Variants in CALU observed in about 807,000 individuals in gnomAD.
CALU encodes calumenin.
In CALU, 13 loss-of-function variants were observed where a neutral mutation model predicts 37.5. The observed-to-expected ratio is 0.35, with a 90% CI of 0.23 to 0.55. The LOEUF (loss-of-function observed/expected upper bound fraction) is 0.55, where lower values mean the gene tolerates loss of function less well. Among genes scored for constraint, CALU ranks in the 20% least tolerant of loss-of-function variants. The probability of loss-of-function intolerance (pLI) is 0.89; values close to 1 mark genes in which losing one functional copy is unlikely to be tolerated. For missense variants in CALU, 282 were observed against 391.7 expected, an observed-to-expected ratio of 0.72 and a Z score of 2.36; for synonymous variants, 114 against 133.8, an observed-to-expected ratio of 0.85 and a Z score of 1.02.
intron 3 of CALU, among the ~76,000 whole-genome samples, chr7:128,758,665 A>G (rs1040808064): frequency 6.6e-6 from 1 of 152,218 alleles, no homozygotes; most frequent in Non-Finnish European, 1.5e-5. Context: ...CCAGAGTTCC[A>G]TGTGAACTTG....
At chr7:128,767,432 T>TTGTA in intron 5 of CALU, 24 bp from the exon 6 acceptor site, 1 of 1,572,780 alleles carries the variant, frequency 6.4e-7, no homozygotes, top group Non-Finnish European at 8.8e-7. Flanking sequence ...AACCCTTCTT[T>TTGTA]TGTATGTATG....
At chr7:128,754,688 T>G in intron 3 of CALU, 1 of 1,552,122 alleles carries the variant, frequency 6.4e-7, no homozygotes, top group Non-Finnish European at 8.7e-7. Flanking sequence ...TCTCCTGGGA[T>G]GAGTACAGAA....
intron 5 of CALU, among the ~76,000 whole-genome samples, chr7:128,763,248 C>T (rs755400334): frequency 2.6e-5 from 4 of 152,036 alleles, no homozygotes; most frequent in African/African-American, 7.2e-5. Flanking sequence ...AATAGAAATT[C>T]GGCCGAGCAT....
intron 5 of CALU, chr7:128,761,264 A>G (rs1347023708): frequency 6.6e-6 from 1 of 150,950 alleles, no homozygotes; most frequent in Non-Finnish European, 1.5e-5. Context: ...AAAAAAAAAA[A>G]GCTGTCTTTC....
chr7:128,769,070 A>G lies in CALU; in HGVS notation c.851A>G (p.Lys284Arg), dbSNP rs769986360. ...TGCTATCTCTACTTTCAGGATGGCAAGCTTACCAAGGAGGAGATCGTTGAC... is the reference window on the plus strand; with the variant it reads ...TGCTATCTCTACTTTCAGGATGGCAGGCTTACCAAGGAGGAGATCGTTGAC... ...VYESDQNKDG[K>R]LTKEEIVDKY... is the part of the protein sequence containing the mutation. Residue 284 changes from lysine to arginine, a missense_variant, in exon 7 of 7, where the codon AAG becomes AGG. Physicochemically the swap from Lys to Arg is conservative, Grantham distance 26 (BLOSUM62 2). Transcript: ENST00000249364. 1.9e-6 allele frequency: 3 copies of G among 1,604,240 alleles called. No homozygotes were observed. The highest frequency in any genetic ancestry group is 2.6e-6 in the Non-Finnish European group (3 of 1,171,792).
chr7:128,751,579 C>A (rs1585006149), intron 2 of CALU, among the ~76,000 whole-genome samples: 1 of 151,110 alleles, frequency 6.6e-6, no homozygotes, highest in East Asian at 2.0e-4. Context: ...ATTAAAAAAT[C>A]AGCTAGGCAT....
At chr7:128,760,021 C>A (rs909628704) in intron 5 of CALU, among the ~76,000 whole-genome samples, 169 bp downstream of exon 5, 9 of 152,154 alleles carry the variant, frequency 5.9e-5, no homozygotes, top group African/African-American at 2.2e-4. Flanking sequence ...CATGGGGAAA[C>A]CCCGTCTCTA....
At chr7:128,748,229 C>G (rs1260582976) in intron 1 of CALU, 1 of 640,726 alleles carries the variant, frequency 1.6e-6, no homozygotes, top group Admixed American at 3.2e-5. Context: ...ACATTTAAAC[C>G]TTGGTTCTTT....
rs1480136187 is a variant in CALU, at chr7:128,758,928, G to T, written c.473G>T (p.Arg158Leu). 1 of 1,613,692 alleles carries T rather than the reference G, an allele frequency of 6.2e-7. No individual in the cohort carries two copies. ...AAACAGATGATGGTTAGAGATGAGC[G>T]GAGGTTTAAAATGGCAGACAAGGAT... ...NYKQMMVRDE[R>L]RFKMADKDGD... The change falls in exon 4 of 7, where the codon CGG becomes CTG. Residue 158 changes from arginine (R) to leucine (L), a missense_variant. Physicochemically the swap from Arg to Leu is moderately radical, Grantham distance 102 (BLOSUM62 -2). Transcript: ENST00000249364.
At chr7:128,765,083 T>TG (rs1801278954) in intron 5 of CALU, among the ~76,000 whole-genome samples, 2 of 152,130 alleles carry the variant, frequency 1.3e-5, no homozygotes, top group Non-Finnish European at 1.5e-5. Context: ...CTGATTTTTT[T>TG]TATTATTATT....
In CALU at chr7:128,754,359, G is replaced by T; in HGVS notation, c.319G>T (p.Glu107Ter). ...ATTTGCACAAAAGCGCTGGATTTAC[G>T]AGGATGTAGAGCGACAGTGGAAGGG... ...IKFAQKRWIYEDVERQWKGHD... is the reference protein window; with the variant it reads ...IKFAQKRWIY The change falls in exon 3 of 7, where the codon GAG (glutamate) becomes TAG (stop). Residue 107 changes from glutamate (E) to a stop codon, truncating the protein, a stop_gained. Transcript: ENST00000249364. LOFTEE classifies it high-confidence loss of function. 6.2e-7 allele frequency: 1 copy of T among 1,614,166 alleles called. No individual in the cohort carries two copies.
chr7:128,756,322 T>TTGG (rs1489318621), intron 3 of CALU, among the ~76,000 whole-genome samples: 1 of 152,214 alleles, frequency 6.6e-6, no homozygotes, highest in Non-Finnish European at 1.5e-5. Flanking sequence ...TAAAAATCTG[T>TTGG]TGAGAGCTCT....
At chr7:128,741,588 G>C (rs974409806) in intron 1 of CALU, among the ~76,000 whole-genome samples, 3 of 152,140 alleles carry the variant, frequency 2.0e-5, no homozygotes, top group African/African-American at 7.2e-5. Context: ...AAAGATAACA[G>C]ATCACTTCCA....
In CALU at chr7:128,769,076, C is replaced by A. The variant is rs749755803; in HGVS notation, c.857C>A (p.Thr286Asn). The A allele has an allele frequency of 1.9e-6, 3 of 1,608,816 alleles. No homozygotes were observed. The highest frequency in any genetic ancestry group is 2.6e-6 in the Non-Finnish European group (3 of 1,175,570). Residue 286 changes from threonine (T) to asparagine (N), a missense_variant, in exon 7 of 7, where the codon ACC (threonine) becomes AAC (asparagine). Thr to Asn is a moderately conservative substitution (Grantham distance 65, BLOSUM62 0). Coordinates refer to ENST00000249364, the MANE Select transcript of CALU (RefSeq NM_001219.5). ...ESDQNKDGKL[T>N]KEEIVDKYDL... is the part of the protein sequence containing the mutation. ...CTCTACTTTCAGGATGGCAAGCTTA[C>A]CAAGGAGGAGATCGTTGACAAGTAT...
chr7:128,770,581 A>G lies in CALU; in HGVS notation c.*1414A>G, dbSNP rs1019636104. ...TCTTTCCCTCTCCCCGCTGCCAAAA[A>G]AAAAAAAAAAGGAAACGTTTATCAT... On this transcript the variant is annotated 3_prime_UTR_variant, in exon 7 of 7. Coordinates refer to ENST00000249364, the MANE Select transcript of CALU (RefSeq NM_001219.5). The G allele has an allele frequency of 6.6e-6, 1 of 152,088 alleles. No homozygotes were observed. The highest frequency in any genetic ancestry group is 2.4e-5 in the African/African-American group (1 of 41,382). The allele number at this position is 152,088 out of a possible 1,614,324, so 9.4% of individuals were successfully genotyped here. A position where few individuals can be genotyped will look rare whatever the true frequency, so the allele number is the denominator to read the frequency against.
rs1367548312 is a variant in CALU, at chr7:128,754,262, A to G, written c.222A>G (p.Gly74=). 1 of 1,603,672 alleles carries G rather than the reference A, an allele frequency of 6.2e-7. No homozygotes were observed. Among genetic ancestry groups the G allele is most frequent in the Admixed American group, 1.7e-5 (1 of 57,974 alleles). Residue 74 remains glycine (G), a splice_region_variant and synonymous_variant, in exon 3 of 7, where the codon GGA becomes GGG. Transcript: ENST00000249364. ...LTPEESKERL[G]KIVSKIDGDK... ...CTGGATTTCTCTGCATTTTCTACAG[A>G]AAGATTGTAAGTAAAATAGATGGCG...
intron 5 of CALU, 138 bp from the exon 6 acceptor site, chr7:128,767,318 T>C: frequency 1.5e-6 from 1 of 681,562 alleles, no homozygotes; most frequent in Non-Finnish European, 2.7e-6. Context: ...TTCTAAGGTC[T>C]GTCTGGCCTA....
At chr7:128,764,374 C>T (rs1459278603) in intron 5 of CALU, among the ~76,000 whole-genome samples, 1 of 151,964 alleles carries the variant, frequency 6.6e-6, no homozygotes, top group Non-Finnish European at 1.5e-5. Context: ...TGCAGTGCAC[C>T]GTTATTGTAC....
chr7:128,741,674 G>C (rs369647822), intron 1 of CALU, among the ~76,000 whole-genome samples: 1 of 152,152 alleles, frequency 6.6e-6, no homozygotes, highest in Non-Finnish European at 1.5e-5. Flanking sequence ...AAGGAAGTTT[G>C]AGCTAAAATA....
Sources: allele counts gnomAD v4.1 joint callset (sites outside exome capture counted in the v4.1 genomes callset), GRCh38; gene constraint gnomAD v4.1.1; transcripts MANE v1.5; gene names NCBI Gene and HGNC (gene_info 2026-07-23, HGNC 2026-07-21).